The following SORCS3 variants were observed in gnomAD, a reference collection of about 807,000 sequenced individuals.
SORCS3 encodes the protein VPS10 domain-containing receptor SorCS3.
A neutral mutation model predicts 146.3 loss-of-function variants in SORCS3; 57 were observed. The ratio of observed to expected loss-of-function variants is 0.39; its 90% confidence interval spans 0.31 to 0.49. SORCS3 has a LOEUF of 0.49. SORCS3 is among the 20% of genes least tolerant of loss of function. The pLI, the probability that SORCS3 is intolerant of heterozygous loss-of-function variation, is 0.92. For missense variants in SORCS3, 1,341 were observed against 1,575.5 expected, an observed-to-expected ratio of 0.85 and a Z score of 2.52; for synonymous variants, 653 against 618.5, an observed-to-expected ratio of 1.06 and a Z score of -0.83.
At chr10:104,856,918 G>T (rs1026406367) in intron 2 of SORCS3, among the ~76,000 whole-genome samples, 1 of 148,816 alleles carries the variant, frequency 6.7e-6, no homozygotes, top group Non-Finnish European at 1.5e-5. Context: ...GATAGGGAGA[G>T]AGAGACCACT....
At chr10:104,686,657 T>C (rs915164) in intron 1 of SORCS3, among the ~76,000 whole-genome samples, 16,091 of 152,164 alleles carry the variant, frequency 0.11, 913 homozygotes, top group Admixed American at 0.14. Flanking sequence ...TTTCTCCTTA[T>C]GCATTCCTAT....
At chr10:105,256,949 A>G (rs1234849256) in intron 25 of SORCS3, 25 bp downstream of exon 25, 23 of 1,518,870 alleles carry the variant, frequency 1.5e-5, no homozygotes, top group Non-Finnish European at 2.1e-5. Flanking sequence ...CACTCAATTT[A>G]GTAGTGGGGT....
intron 1 of SORCS3, among the ~76,000 whole-genome samples, chr10:104,653,597 T>G (rs140691190): frequency 9.2e-5 from 14 of 152,308 alleles, no homozygotes; most frequent in African/African-American, 3.4e-4. Flanking sequence ...GATCCAGGCT[T>G]AGATGATGAA....
intron 1 of SORCS3, among the ~76,000 whole-genome samples, chr10:104,785,391 G>C (rs12776521): frequency 0.74 from 99,428 of 135,260 alleles, 36,816 homozygotes; most frequent in East Asian, 0.92. Context: ...CAGCATGCTC[G>C]TTAAGAGTCA....
chr10:105,186,357 A>G (rs1368447609), intron 14 of SORCS3, among the ~76,000 whole-genome samples: 1 of 152,226 alleles, frequency 6.6e-6, no homozygotes, highest in Non-Finnish European at 1.5e-5. Flanking sequence ...AGCACTGAAC[A>G]TAATTGTCCT....
At chr10:104,938,181 C>G (rs187674430) in intron 3 of SORCS3, among the ~76,000 whole-genome samples, 6 of 152,280 alleles carry the variant, frequency 3.9e-5, no homozygotes, top group Non-Finnish European at 8.8e-5. Context: ...CAAACTTTCT[C>G]AAGCTGATGT....
chr10:105,072,846 C>A (rs2133727513), intron 5 of SORCS3, among the ~76,000 whole-genome samples: 1 of 152,058 alleles, frequency 6.6e-6, no homozygotes, highest in East Asian at 1.9e-4. Context: ...ACTGATGATC[C>A]CTTGGGAAGA....
At chr10:105,029,850 A>G (rs2133694673) in intron 4 of SORCS3, among the ~76,000 whole-genome samples, 1 of 152,346 alleles carries the variant, frequency 6.6e-6, no homozygotes, top group South Asian at 2.1e-4. Flanking sequence ...TTACCTGAAC[A>G]GAGTTTCTCC....
At chr10:105,225,136 G>T (rs576885760) in intron 20 of SORCS3, among the ~76,000 whole-genome samples, 1 of 151,986 alleles carries the variant, frequency 6.6e-6, no homozygotes, top group East Asian at 1.9e-4. Context: ...CATTGGTGTT[G>T]TATCTCAAAT....
chr10:104,785,783 G>C (rs575175412), intron 1 of SORCS3, among the ~76,000 whole-genome samples: 3 of 151,992 alleles, frequency 2.0e-5, no homozygotes, highest in African/African-American at 4.8e-5. Context: ...TCTAGTTCTC[G>C]GGTGTTCTGA....
chr10:105,002,676 A>T (rs1018660872), intron 4 of SORCS3, among the ~76,000 whole-genome samples: 2 of 152,260 alleles, frequency 1.3e-5, no homozygotes, highest in Non-Finnish European at 2.9e-5. Context: ...GGTAATGCAG[A>T]TGTAGAACTT....
chr10:104,936,943 G>C (rs1161136846), intron 3 of SORCS3, among the ~76,000 whole-genome samples: 2 of 152,208 alleles, frequency 1.3e-5, no homozygotes, highest in Non-Finnish European at 2.9e-5. Flanking sequence ...AGATGTGGCA[G>C]AGGTCACATT....
intron 2 of SORCS3, among the ~76,000 whole-genome samples, chr10:104,876,918 C>T (rs2018581018): frequency 6.6e-6 from 1 of 151,884 alleles, no homozygotes. Context: ...TATAGCAAAG[C>T]AATCGCAGCT....
intron 1 of SORCS3, among the ~76,000 whole-genome samples, chr10:104,658,155 A>G (rs976330257): frequency 6.6e-6 from 1 of 152,148 alleles, no homozygotes; most frequent in African/African-American, 2.4e-5. Flanking sequence ...GGCAGTGTTA[A>G]TTATATTGTA....
intron 20 of SORCS3, among the ~76,000 whole-genome samples, chr10:105,230,171 G>A (rs1422337380): frequency 2.6e-5 from 4 of 152,028 alleles, no homozygotes; most frequent in East Asian, 1.9e-4. Flanking sequence ...GTGTGATCCC[G>A]AGACCCTTGT....
intron 1 of SORCS3, among the ~76,000 whole-genome samples, chr10:104,724,149 G>A (rs537172986): frequency 6.6e-5 from 10 of 152,206 alleles, no homozygotes; most frequent in African/African-American, 2.4e-4. Context: ...CTTCCTTCAG[G>A]AGCTCTTTTA....
At chr10:104,814,285 T>C (rs960856796) in intron 1 of SORCS3, among the ~76,000 whole-genome samples, 1 of 152,158 alleles carries the variant, frequency 6.6e-6, no homozygotes, top group Non-Finnish European at 1.5e-5. Flanking sequence ...ATTCTTTCCC[T>C]CCGATCTTCC....
At chr10:104,947,505 G>A (rs1307888097) in intron 3 of SORCS3, among the ~76,000 whole-genome samples, 4 of 152,164 alleles carry the variant, frequency 2.6e-5, no homozygotes, top group Non-Finnish European at 5.9e-5. Flanking sequence ...CCTTTCACGG[G>A]CTGCGAGGCT....
At chr10:104,948,474 A>G (rs1456053356) in intron 3 of SORCS3, among the ~76,000 whole-genome samples, 1 of 152,204 alleles carries the variant, frequency 6.6e-6, no homozygotes, top group Non-Finnish European at 1.5e-5. Context: ...ATCAAGACAG[A>G]GATGGTTCAG....
Sources: gnomAD v4.1 joint callset for allele counts (sites outside exome capture counted in the v4.1 genomes callset) on GRCh38, gnomAD v4.1.1 for gene constraint, MANE v1.5 for transcripts, NCBI Gene and HGNC (gene_info 2026-07-23, HGNC 2026-07-21) for gene names.